The following CNTNAP5 variants were observed in gnomAD, a reference collection of about 807,000 sequenced individuals.
CNTNAP5 encodes contactin associated protein family member 5.
Under a neutral mutation model 150.2 loss-of-function variants are expected in CNTNAP5, and 72 were observed. The observed-to-expected ratio is 0.48, with a 90% CI of 0.40 to 0.58. CNTNAP5 has a LOEUF of 0.58. Ranked by LOEUF, CNTNAP5 falls within the 20% of genes least tolerant of loss-of-function variation. The pLI, the probability that CNTNAP5 is intolerant of heterozygous loss-of-function variation, is 0.00. For missense variants in CNTNAP5, 1,636 were observed against 1,626.2 expected (o/e 1.01, Z -0.10); for synonymous variants, 672 against 619.8 (o/e 1.08, Z -1.25).
intron 14 of CNTNAP5, among the ~76,000 whole-genome samples, chr2:124,752,330 T>C (rs1025685300): frequency 2.6e-5 from 4 of 152,052 alleles, no homozygotes; most frequent in Non-Finnish European, 5.9e-5. Flanking sequence ...ATTGGGACTA[T>C]AGGTGCATTC....
At chr2:124,114,462 A>C (rs1683377578) in intron 1 of CNTNAP5, among the ~76,000 whole-genome samples, 1 of 152,006 alleles carries the variant, frequency 6.6e-6, no homozygotes, top group African/African-American at 2.4e-5. Flanking sequence ...TTATTTTACT[A>C]AATTGACCTT....
Position 124,647,755 on chromosome 2 carries a change from C to T in CNTNAP5, c.1877-3C>T. The T allele has an allele frequency of 6.3e-7, 1 of 1,586,336 alleles. No individual in the cohort carries two copies. The highest frequency in any genetic ancestry group is 8.6e-7 in the Non-Finnish European group (1 of 1,160,672). On this transcript the variant is annotated splice_region_variant and splice_polypyrimidine_tract_variant and intron_variant, in intron 12 of 23. Coordinates refer to ENST00000682447, the MANE Select transcript of CNTNAP5 (RefSeq NM_001367498.1). ...CTTGCTTTGTGTTGTGTTGTCTGGG[C>T]AGAGGACAAGATCTGGACATCAGTG... is the stretch of plus-strand genomic sequence containing the variant.
At chr2:124,858,752 C>CA (rs1677440996) in intron 19 of CNTNAP5, among the ~76,000 whole-genome samples, 1 of 152,008 alleles carries the variant, frequency 6.6e-6, no homozygotes, top group Admixed American at 6.6e-5. Context: ...GAGAAAACTT[C>CA]AAATAAACTA....
chr2:124,325,569 G>C (rs1054306000), intron 3 of CNTNAP5, among the ~76,000 whole-genome samples: 1 of 152,128 alleles, frequency 6.6e-6, no homozygotes, highest in African/African-American at 2.4e-5. Context: ...TAAACTGGTA[G>C]AAAGGCATTC....
chr2:124,713,290 T>TTTCTTTC (rs1679860707), intron 13 of CNTNAP5, among the ~76,000 whole-genome samples: 1 of 126,388 alleles, frequency 7.9e-6, no homozygotes, highest in Non-Finnish European at 1.8e-5. Flanking sequence ...TCTTTCTTTC[T>TTTCTTTC]TTCTTTCTTT....
chr2:124,287,441 C>T (rs72843630), intron 3 of CNTNAP5, among the ~76,000 whole-genome samples: 1,688 of 152,306 alleles, frequency 0.011, 25 homozygotes, highest in Non-Finnish European at 0.014. Context: ...TCGTTAATCT[C>T]GGCATTGTCC....
intron 2 of CNTNAP5, among the ~76,000 whole-genome samples, chr2:124,225,836 A>G (rs1204834089): frequency 6.6e-6 from 1 of 152,006 alleles, no homozygotes; most frequent in East Asian, 1.9e-4. Context: ...TGAGTTCAAC[A>G]TTTTTCAGAT....
At chr2:124,751,045 T>C (rs1167970351) in intron 14 of CNTNAP5, among the ~76,000 whole-genome samples, 1 of 136,262 alleles carries the variant, frequency 7.3e-6, no homozygotes, top group Non-Finnish European at 1.6e-5. Context: ...ACCAACCTAA[T>C]AGAAATACAT....
chr2:124,793,190 A>G (rs1288287541), intron 18 of CNTNAP5, among the ~76,000 whole-genome samples: 1 of 152,190 alleles, frequency 6.6e-6, no homozygotes, highest in Admixed American at 6.5e-5. Context: ...CTTCTTGCCA[A>G]CACTTTTTAT....
intron 1 of CNTNAP5, among the ~76,000 whole-genome samples, chr2:124,040,009 G>C (rs1681323714): frequency 6.6e-6 from 1 of 152,050 alleles, no homozygotes; most frequent in African/African-American, 2.4e-5. Context: ...ATTGACTTAG[G>C]TGTCACCTTT....
At chr2:124,604,319 T>C (rs1025525803) in intron 11 of CNTNAP5, among the ~76,000 whole-genome samples, 8 of 152,328 alleles carry the variant, frequency 5.3e-5, no homozygotes, top group Admixed American at 3.3e-4. Flanking sequence ...CATAATATAA[T>C]AGCAATATCG....
chr2:124,822,084 A>G (rs1474850618), intron 19 of CNTNAP5, among the ~76,000 whole-genome samples: 2 of 150,914 alleles, frequency 1.3e-5, no homozygotes, highest in Non-Finnish European at 2.9e-5. Flanking sequence ...CATTTAGTCC[A>G]TTTATTACAA....
At chr2:124,243,252 G>T (rs1329215406) in intron 3 of CNTNAP5, among the ~76,000 whole-genome samples, 1 of 152,178 alleles carries the variant, frequency 6.6e-6, no homozygotes, top group Non-Finnish European at 1.5e-5. Flanking sequence ...AAAATGTGAA[G>T]ATACGGAAAT....
rs143036622 is a variant in CNTNAP5 at position 124,353,643 on chromosome 2, G to A, written c.382-63800G>A. Among the ~76,000 whole-genome samples the A allele has an allele frequency of 8.5e-5, 13 of 152,172 alleles. No homozygotes were observed. The East Asian group carries it at 1.2e-3, about 14-fold the overall frequency. On this transcript the variant is annotated intron_variant, in intron 3 of 23. Transcript: ENST00000682447. ...GATACAGTGCCTCAAATTCTTATAC[G>A]AATTTTCTCACTTCTAGAGCACTAT...
At chr2:124,387,338 G>T (rs1690955392) in intron 3 of CNTNAP5, among the ~76,000 whole-genome samples, 1 of 152,106 alleles carries the variant, frequency 6.6e-6, no homozygotes, top group Non-Finnish European at 1.5e-5. Flanking sequence ...TTTTGTCTCT[G>T]AGCTTATACT....
At chr2:124,671,724 C>T (rs916124476) in intron 13 of CNTNAP5, among the ~76,000 whole-genome samples, 1 of 152,154 alleles carries the variant, frequency 6.6e-6, no homozygotes, top group Non-Finnish European at 1.5e-5. Context: ...ACTGCAACTT[C>T]TGCCTCCCAG....
At chr2:124,838,750 C>CA (rs111878327) in intron 19 of CNTNAP5, among the ~76,000 whole-genome samples, 217 of 152,138 alleles carry the variant, frequency 1.4e-3, no homozygotes, top group Non-Finnish European at 2.7e-3. Context: ...TAATATTTCA[C>CA]AAAAAAATAG....
rs1214169811 is a variant in CNTNAP5, at chr2:124,571,527, C to CTTTTTTTTTTTTTTTT, written c.1756+8210_1756+8225dup. On this transcript the variant is annotated intron_variant, in intron 11 of 23. Transcript: ENST00000682447. The stretch of plus-strand genomic sequence containing the variant: ...CACTGAGTACTTTTTTTTCTTTTTT[C>CTTTTTTTTTTTTTTTT]TTTTTTTTTTTTTTTTTTTTTGAGA... 1.9e-3 allele frequency among the ~76,000 whole-genome samples: 88 copies of CTTTTTTTTTTTTTTTT among 46,846 alleles called. 7 individuals are homozygous for CTTTTTTTTTTTTTTTT. The highest frequency in any genetic ancestry group is 2.4e-3 in the East Asian group (5 of 2,058). 30.7% of individuals were successfully genotyped at this position (46,846 alleles called of 152,430 possible). A position where few individuals can be genotyped will look rare whatever the true frequency, so the allele number is the denominator to read the frequency against.
intron 3 of CNTNAP5, among the ~76,000 whole-genome samples, chr2:124,415,327 C>A (rs1162610469): frequency 6.6e-6 from 1 of 152,128 alleles, no homozygotes; most frequent in Non-Finnish European, 1.5e-5. Context: ...AGAAAGTGAG[C>A]CAATTCCTTC....
Sources: allele counts gnomAD v4.1 joint callset (sites outside exome capture counted in the v4.1 genomes callset), GRCh38; gene constraint gnomAD v4.1.1; transcripts MANE v1.5; gene names NCBI Gene and HGNC (gene_info 2026-07-23, HGNC 2026-07-21).